RIT2: variants seen among roughly 807,000 people sequenced by gnomAD.
RIT2 encodes Ras like without CAAX 2, also known as GTP-binding protein Rit2.
In RIT2, 24 loss-of-function variants were observed where a neutral mutation model predicts 23.7. That is an observed-to-expected ratio of 1.01 (90% CI 0.73 to 1.43). RIT2 has a LOEUF of 1.43. Ranked by LOEUF, RIT2 falls within the 40% of genes most tolerant of loss-of-function variation. RIT2 has a pLI of 0.00. For missense variants in RIT2, 236 were observed against 266.9 expected, an observed-to-expected ratio of 0.88 and a Z score of 0.81; for synonymous variants, 107 against 91.1, an observed-to-expected ratio of 1.17 and a Z score of -0.99.
chr18:42,805,304 TATA>T (rs1905652093), intron 4 of RIT2, among the ~76,000 whole-genome samples: 1 of 152,154 alleles, frequency 6.6e-6, no homozygotes, highest in East Asian at 1.9e-4. Context: ...TCTGGCCAAA[TATA>T]AGAGAATTGG....
intron 1 of RIT2, among the ~76,000 whole-genome samples, chr18:43,072,655 T>C (rs2144337144): frequency 6.6e-6 from 1 of 152,240 alleles, no homozygotes; most frequent in East Asian, 1.9e-4. Context: ...TTGGTATTTT[T>C]CCCCCATGCA....
chr18:42,977,255 A>T (rs534010519), intron 2 of RIT2, among the ~76,000 whole-genome samples: 1 of 151,316 alleles, frequency 6.6e-6, no homozygotes, highest in African/African-American at 2.5e-5. Context: ...TACTTCTGTA[A>T]AACACAGTTT....
intron 4 of RIT2, among the ~76,000 whole-genome samples, chr18:42,895,324 T>G (rs913029627): frequency 1.3e-5 from 2 of 152,210 alleles, no homozygotes; most frequent in African/African-American, 4.8e-5. Flanking sequence ...AAATGTTTCC[T>G]ATTTTCTGAC....
At chr18:42,933,766 T>C (rs1909384971) in intron 3 of RIT2, among the ~76,000 whole-genome samples, 2 of 152,064 alleles carry the variant, frequency 1.3e-5, no homozygotes, top group Admixed American at 1.3e-4. Context: ...ATGCCTGTAA[T>C]CTCAGCACTT....
At chr18:42,799,430 A>C (rs1386902586) in intron 4 of RIT2, among the ~76,000 whole-genome samples, 1 of 152,228 alleles carries the variant, frequency 6.6e-6, no homozygotes, top group Non-Finnish European at 1.5e-5. Flanking sequence ...TTCCAAATTA[A>C]CTTACTAATC....
At chr18:43,053,456 T>C (rs993098699) in intron 1 of RIT2, among the ~76,000 whole-genome samples, 3 of 152,014 alleles carry the variant, frequency 2.0e-5, no homozygotes, top group Admixed American at 6.6e-5. Context: ...ATTTCTTATG[T>C]ATAAAATGGG....
chr18:42,939,376 C>G (rs547228833), intron 3 of RIT2, among the ~76,000 whole-genome samples: 5 of 152,236 alleles, frequency 3.3e-5, no homozygotes, highest in African/African-American at 1.2e-4. Context: ...TAAAAATTTC[C>G]TCTTGTAATC....
At chr18:42,992,485 C>T (rs950025048) in intron 2 of RIT2, among the ~76,000 whole-genome samples, 12 of 152,082 alleles carry the variant, frequency 7.9e-5, no homozygotes, top group Admixed American at 1.3e-4. Context: ...CAACCCCAAG[C>T]GTTGCTGAGT....
chr18:42,838,339 AT>A (rs907614492), intron 4 of RIT2, among the ~76,000 whole-genome samples: 2 of 151,708 alleles, frequency 1.3e-5, no homozygotes, highest in Admixed American at 6.6e-5. Flanking sequence ...TATTCTGCAT[AT>A]CATTTTTGGT....
At chr18:42,925,080 T>C (rs535547020) in intron 3 of RIT2, among the ~76,000 whole-genome samples, 2 of 152,096 alleles carry the variant, frequency 1.3e-5, no homozygotes, top group Non-Finnish European at 2.9e-5. Context: ...CAACATGATA[T>C]AGAGTTGGGT....
chr18:43,029,786 A>G (rs982636556), intron 2 of RIT2, among the ~76,000 whole-genome samples: 4 of 152,038 alleles, frequency 2.6e-5, no homozygotes, highest in Non-Finnish European at 5.9e-5. Context: ...GTAAGATAAG[A>G]AAAAATAAAA....
At chr18:43,094,576 G>T (rs4132437) in intron 1 of RIT2, among the ~76,000 whole-genome samples, 25,587 of 151,876 alleles carry the variant, frequency 0.17, 2,317 homozygotes, top group African/African-American at 0.18. Flanking sequence ...TTGAGAATAG[G>T]CCCAATTTGT....
At chr18:42,808,331 C>G (rs953303911) in intron 4 of RIT2, among the ~76,000 whole-genome samples, 1 of 152,100 alleles carries the variant, frequency 6.6e-6, no homozygotes, top group Non-Finnish European at 1.5e-5. Flanking sequence ...AAATGATGTA[C>G]TTCATAGAAA....
intron 4 of RIT2, among the ~76,000 whole-genome samples, chr18:42,897,903 A>T (rs1231794205): frequency 1.3e-5 from 2 of 152,194 alleles, no homozygotes; most frequent in African/African-American, 2.4e-5. Context: ...TAAATGCTTC[A>T]GTCTTTGTGT....
intron 4 of RIT2, among the ~76,000 whole-genome samples, chr18:42,909,001 T>C (rs910268698): frequency 6.6e-6 from 1 of 152,094 alleles, no homozygotes; most frequent in Non-Finnish European, 1.5e-5. Context: ...AAGAAGTCGT[T>C]GTATGAAAAA....
chr18:42,923,737 C>T lies in RIT2; in HGVS notation c.261G>A (p.Gln87=). 6.2e-7 allele frequency: 1 copy of T among 1,610,468 alleles called. No homozygotes were observed. Residue 87 remains glutamine, a synonymous_variant, in exon 4 of 5, where the codon CAG becomes CAA. Coordinates refer to ENST00000326695, the MANE Select transcript of RIT2 (RefSeq NM_002930.4). ...TGAAGCCTTCCCCACCTCGCATGTA[C>T]TGCTCCCGCATGGCTGTGAATTCTG... ...GQAEFTAMRE[Q]YMRGGEGFII...
At chr18:42,906,373 A>G (rs1908621842) in intron 4 of RIT2, among the ~76,000 whole-genome samples, 1 of 152,214 alleles carries the variant, frequency 6.6e-6, no homozygotes, top group Non-Finnish European at 1.5e-5. Context: ...AAGTAGAATC[A>G]TAAAACTGCT....
At chr18:42,866,542 A>C (rs1462589520) in intron 4 of RIT2, among the ~76,000 whole-genome samples, 2 of 152,034 alleles carry the variant, frequency 1.3e-5, no homozygotes, top group Non-Finnish European at 2.9e-5. Flanking sequence ...TGAAAATGGC[A>C]GAATTATTTT....
At chr18:43,100,249 C>A (rs1913650933) in intron 1 of RIT2, among the ~76,000 whole-genome samples, 1 of 151,946 alleles carries the variant, frequency 6.6e-6, no homozygotes. Flanking sequence ...GTAAGCCAAG[C>A]AGATATCTGG....
Sources: gnomAD v4.1 joint callset for allele counts (sites outside exome capture counted in the v4.1 genomes callset) on GRCh38, gnomAD v4.1.1 for gene constraint, MANE v1.5 for transcripts, NCBI Gene and HGNC (gene_info 2026-07-23, HGNC 2026-07-21) for gene names.